The following DOCK2 variants were observed in gnomAD, a reference collection of about 807,000 sequenced individuals.
The protein encoded by DOCK2 is dedicator of cytokinesis protein 2.
A neutral mutation model predicts 248.9 loss-of-function variants in DOCK2; 87 were observed. The ratio of observed to expected loss-of-function variants is 0.35; its 90% CI spans 0.29 to 0.42. DOCK2 has a LOEUF of 0.42. DOCK2 is among the 10% of genes least tolerant of loss of function. DOCK2 has a pLI of 1.00. For synonymous variants in DOCK2, 805 were observed against 821.6 expected (o/e 0.98, Z 0.35); for missense variants, 1,747 against 2,300.2 (o/e 0.76, Z 4.92).
At chr5:169,753,484 T>A (rs1301699012) in intron 23 of DOCK2, among the ~76,000 whole-genome samples, 2 of 149,672 alleles carry the variant, frequency 1.3e-5, no homozygotes, top group East Asian at 3.9e-4. Flanking sequence ...CAAAGACAAA[T>A]GGGCTTTATC....
At chr5:169,774,494 A>T (rs1254065288) in intron 25 of DOCK2, among the ~76,000 whole-genome samples, 1 of 152,210 alleles carries the variant, frequency 6.6e-6, no homozygotes, top group Non-Finnish European at 1.5e-5. Flanking sequence ...CAGAGACACC[A>T]TTCCAACTGG....
At chr5:170,076,407 T>A (rs2113875238) in intron 47 of DOCK2, among the ~76,000 whole-genome samples, 1 of 152,338 alleles carries the variant, frequency 6.6e-6, no homozygotes, top group African/African-American at 2.4e-5. Context: ...ATCTACTAGG[T>A]CATTTAATCC....
intron 2 of DOCK2, 24 bp downstream of exon 2, chr5:169,654,510 A>G (rs771196980): frequency 2.5e-6 from 4 of 1,613,688 alleles, no homozygotes; most frequent in Non-Finnish European, 3.4e-6. Context: ...CCACGCCCCA[A>G]GTGCTGGACC....
At chr5:169,845,884 A>G (rs903503793) in intron 27 of DOCK2, among the ~76,000 whole-genome samples, 2 of 152,250 alleles carry the variant, frequency 1.3e-5, no homozygotes, top group Non-Finnish European at 2.9e-5. Flanking sequence ...TTCTTAAGAT[A>G]TAGTTTCATT....
chr5:169,846,220 C>G (rs1770292824), intron 27 of DOCK2, among the ~76,000 whole-genome samples: 1 of 152,148 alleles, frequency 6.6e-6, no homozygotes, highest in Non-Finnish European at 1.5e-5. Context: ...TTGCAACTCT[C>G]ATTCTTATAC....
At chr5:170,018,553 T>C (rs185605462) in intron 32 of DOCK2, among the ~76,000 whole-genome samples, 1 of 152,344 alleles carries the variant, frequency 6.6e-6, no homozygotes, top group Admixed American at 6.5e-5. Flanking sequence ...ATAAAACAGT[T>C]GGTAAAATCC....
At chr5:169,800,685 C>G (rs1224773372) in intron 25 of DOCK2, among the ~76,000 whole-genome samples, 2 of 152,070 alleles carry the variant, frequency 1.3e-5, no homozygotes, top group African/African-American at 2.4e-5. Flanking sequence ...TAAATTGGGA[C>G]TCTTTGGTTT....
intron 22 of DOCK2, among the ~76,000 whole-genome samples, chr5:169,729,221 C>G (rs572437354): frequency 5.9e-5 from 9 of 152,304 alleles, no homozygotes; most frequent in Non-Finnish European, 1.3e-4. Flanking sequence ...TGAAATTTGC[C>G]ATGCTAACGC....
intron 29 of DOCK2, among the ~76,000 whole-genome samples, chr5:169,995,699 C>A (rs1193243481): frequency 1.3e-5 from 2 of 152,102 alleles, no homozygotes; most frequent in African/African-American, 4.8e-5. Context: ...AAATTATGTT[C>A]ATCAAAACAT....
At chr5:169,839,889 G>C (rs567554851) in intron 26 of DOCK2, among the ~76,000 whole-genome samples, 2 of 152,244 alleles carry the variant, frequency 1.3e-5, no homozygotes, top group East Asian at 3.9e-4. Flanking sequence ...ACCTTGTTTG[G>C]TGTGTTGGCA....
chr5:169,960,971 A>G (rs1229057161), intron 27 of DOCK2, among the ~76,000 whole-genome samples: 1 of 152,176 alleles, frequency 6.6e-6, no homozygotes, highest in Non-Finnish European at 1.5e-5. Flanking sequence ...GGTTCATAGT[A>G]TATATAGGTT....
intron 26 of DOCK2, among the ~76,000 whole-genome samples, chr5:169,824,593 C>T (rs1182276254): frequency 6.6e-6 from 1 of 152,142 alleles, no homozygotes; most frequent in Non-Finnish European, 1.5e-5. Context: ...AAACTGGATC[C>T]CTTCCTTACA....
intron 27 of DOCK2, among the ~76,000 whole-genome samples, chr5:169,896,552 G>A (rs886684361): frequency 6.6e-6 from 1 of 152,158 alleles, no homozygotes; most frequent in Non-Finnish European, 1.5e-5. Context: ...AGATTTAAAC[G>A]AGGTGACACA....
rs1320107542 is a variant in DOCK2 at position 169,764,998 on chromosome 5, A to T, written c.2554+3373A>T. On this transcript the variant is annotated intron_variant, in intron 25 of 51. Coordinates refer to ENST00000520908, the MANE Select transcript of DOCK2 (RefSeq NM_004946.3). The surrounding 1 kb of genome is among the most constrained non-coding windows in gnomAD (Gnocchi z 4.3). ...CATTGTTTGTGTTACTACAGGCTCC[A>T]ACATAGTTACATAGTTTTGGACACT... Among the ~76,000 whole-genome samples the T allele has an allele frequency of 6.6e-6, 1 of 151,442 alleles. No individual in the cohort carries two copies. The highest frequency in any genetic ancestry group is 1.9e-4 in the East Asian group (1 of 5,158).
chr5:169,864,320 T>G, intron 27 of DOCK2: 1 of 1,551,630 alleles, frequency 6.4e-7, no homozygotes, highest in Non-Finnish European at 8.7e-7. Flanking sequence ...GTTTTCCGCC[T>G]TAAGTCCTGC....
At chr5:169,960,327 T>C (rs971471850) in intron 27 of DOCK2, among the ~76,000 whole-genome samples, 3 of 152,216 alleles carry the variant, frequency 2.0e-5, no homozygotes, top group African/African-American at 7.2e-5. Context: ...CCTTGGGTAT[T>C]TACATCTGCT....
At chr5:169,926,258 T>C (rs577465469) in intron 27 of DOCK2, among the ~76,000 whole-genome samples, 1 of 152,356 alleles carries the variant, frequency 6.6e-6, no homozygotes, top group South Asian at 2.1e-4. Context: ...GTCTCTCACC[T>C]GCCACCTGCA....
chr5:170,039,008 T>C (rs1581547569), intron 36 of DOCK2, among the ~76,000 whole-genome samples: 1 of 152,238 alleles, frequency 6.6e-6, no homozygotes, highest in Admixed American at 6.5e-5. Flanking sequence ...TTAACTCCGA[T>C]TGGCAGAACG....
At chr5:169,658,696 G>A (rs1017100929) in intron 2 of DOCK2, among the ~76,000 whole-genome samples, 2 of 151,308 alleles carry the variant, frequency 1.3e-5, no homozygotes, top group African/African-American at 4.9e-5. Context: ...GTACTTTTCT[G>A]TTTAGTTTAA....
Sources: gnomAD v4.1 joint callset for allele counts (sites outside exome capture counted in the v4.1 genomes callset) on GRCh38, gnomAD v4.1.1 for gene constraint, Gnocchi (gnomAD v3.1) non-coding constraint, MANE v1.5 for transcripts, NCBI Gene and HGNC (gene_info 2026-07-23, HGNC 2026-07-21) for gene names.